The following KIAA0232 variants were observed in gnomAD, a reference collection of about 807,000 sequenced individuals.
KIAA0232 encodes KIAA0232.
A neutral mutation model predicts 122.0 loss-of-function variants in KIAA0232; 27 were observed. The observed-to-expected ratio is 0.22, with a 90% CI of 0.16 to 0.31. The LOEUF is 0.31. KIAA0232 is among the 10% of genes least tolerant of loss of function. KIAA0232 has a pLI of 1.00. For synonymous variants in KIAA0232, 613 were observed against 587.6 expected, an observed-to-expected ratio of 1.04 and a Z score of -0.63; for missense variants, 1,551 against 1,634.2, an observed-to-expected ratio of 0.95 and a Z score of 0.88.
intron 4 of KIAA0232, 140 bp from the exon 5 acceptor site, chr4:6,857,024 G>C (rs564569448): frequency 3.9e-6 from 2 of 511,690 alleles, no homozygotes; most frequent in Non-Finnish European, 6.7e-6. Context: ...TTAAACTGTA[G>C]TATTCACGTA....
At chr4:6,798,969 C>T (rs1717255628) in intron 1 of KIAA0232, among the ~76,000 whole-genome samples, 1 of 152,082 alleles carries the variant, frequency 6.6e-6, no homozygotes. Flanking sequence ...ACAAAGTACC[C>T]CAAACTTTGA....
In KIAA0232 at chr4:6,863,166, C is replaced by A; in HGVS notation, c.2784C>A (p.Phe928Leu). The stretch of plus-strand genomic sequence containing the variant: ...TAGCCCAAGATAAAGAAAACACATT[C>A]ATTCTTGGAGGAGTTTATGGAGAAC... ...WDVAQDKENTFILGGVYGELK... is the reference protein window; with the variant it reads ...WDVAQDKENTLILGGVYGELK... Residue 928 changes from phenylalanine (F) to leucine (L), a missense_variant, in exon 7 of 10, where the codon TTC (phenylalanine) becomes TTA (leucine). Around this residue, in one of 5 missense-constraint regions of KIAA0232, gnomAD observed 1,108 missense variants for 1,154.8 expected, o/e 0.96. Coordinates refer to ENST00000307659, the MANE Select transcript of KIAA0232 (RefSeq NM_014743.3). 6.2e-7 allele frequency: 1 copy of A among 1,614,106 alleles called. No individual in the cohort carries two copies. The highest frequency in any genetic ancestry group is 1.7e-5 in the Admixed American group (1 of 60,026).
At position 6,863,946 on chromosome 4, in the gene KIAA0232, T is replaced by C; in HGVS notation, c.3564T>C (p.Ala1188=). ...RLKKSGMEKS[A]QTSLDSQEES... ...AAAAATCTGGGATGGAAAAGAGTGC[T>C]CAGACATCACTGGATTCCCAGGAGG... is the stretch of plus-strand genomic sequence containing the variant. The change falls in exon 7 of 10, where the codon GCT becomes GCC. Residue 1188 remains alanine (A), a synonymous_variant. Transcript: ENST00000307659. 6.2e-7 allele frequency: 1 copy of C among 1,614,048 alleles called. No individual in the cohort carries two copies. The highest frequency in any genetic ancestry group is 1.1e-5 in the South Asian group (1 of 91,070).
At chr4:6,846,580 C>A (rs575866153) in intron 4 of KIAA0232, among the ~76,000 whole-genome samples, 1 of 151,862 alleles carries the variant, frequency 6.6e-6, no homozygotes, top group African/African-American at 2.4e-5. Context: ...CAGTTGTCTT[C>A]CACGAAACCA....
At chr4:6,841,977 G>C in intron 3 of KIAA0232, 90 bp from the exon 4 acceptor site, 1 of 1,425,094 alleles carries the variant, frequency 7.0e-7, no homozygotes, top group African/African-American at 1.5e-5. Flanking sequence ...AATGCAAGGG[G>C]CCTTTTTGTG....
At chr4:6,786,980 A>T (rs971004562) in intron 1 of KIAA0232, among the ~76,000 whole-genome samples, 2 of 152,074 alleles carry the variant, frequency 1.3e-5, no homozygotes, top group Admixed American at 1.3e-4. Flanking sequence ...CAAGAGAGTG[A>T]GACCATCCTG....
At chr4:6,828,815 T>G (rs565274299) in intron 3 of KIAA0232, among the ~76,000 whole-genome samples, 30 of 152,308 alleles carry the variant, frequency 2.0e-4, no homozygotes, top group Admixed American at 1.2e-3. Context: ...CATGCTGACC[T>G]CTCTGAGTAA....
chr4:6,833,945 G>A (rs1260899119), intron 3 of KIAA0232, among the ~76,000 whole-genome samples: 3 of 152,040 alleles, frequency 2.0e-5, no homozygotes, highest in Non-Finnish European at 2.9e-5. Context: ...GATTTCCCCC[G>A]CTTACTGTAA....
At chr4:6,784,261 A>G (rs1372364544) in intron 1 of KIAA0232, among the ~76,000 whole-genome samples, 1 of 152,116 alleles carries the variant, frequency 6.6e-6, no homozygotes, top group East Asian at 1.9e-4. Context: ...TCTTGTTTTA[A>G]AAACTGTTAG....
At chr4:6,785,157 T>C (rs1716561933) in intron 1 of KIAA0232, among the ~76,000 whole-genome samples, 1 of 152,134 alleles carries the variant, frequency 6.6e-6, no homozygotes, top group East Asian at 1.9e-4. Context: ...CAGGATGGTC[T>C]TTCTCTCCTG....
chr4:6,831,097 C>T (rs1336894442), intron 3 of KIAA0232, among the ~76,000 whole-genome samples: 1 of 151,914 alleles, frequency 6.6e-6, no homozygotes, highest in Non-Finnish European at 1.5e-5. Flanking sequence ...GCCCTGTCGC[C>T]CAGGCTGGAA....
intron 1 of KIAA0232, among the ~76,000 whole-genome samples, chr4:6,798,057 C>CA (rs549805628): frequency 0.022 from 2,112 of 97,826 alleles, 49 homozygotes; most frequent in African/African-American, 0.062. Context: ...GACTCCGTCT[C>CA]AAAAAAAAAA....
intron 1 of KIAA0232, among the ~76,000 whole-genome samples, chr4:6,792,831 A>T (rs1716965037): frequency 6.6e-6 from 1 of 151,832 alleles, no homozygotes. Context: ...CTGGGACCAC[A>T]GGTGCCCACC....
intron 2 of KIAA0232, among the ~76,000 whole-genome samples, chr4:6,819,123 A>C (rs1292828771): frequency 1.3e-5 from 2 of 152,060 alleles, no homozygotes; most frequent in Non-Finnish European, 2.9e-5. Context: ...AACTATAAAA[A>C]CCCTAGGAAA....
intron 8 of KIAA0232, among the ~76,000 whole-genome samples, chr4:6,874,220 A>G (rs1471036116): frequency 6.6e-6 from 1 of 152,238 alleles, no homozygotes; most frequent in Non-Finnish European, 1.5e-5. Context: ...TTGGGAATGC[A>G]TAGGCAAACA....
rs1720989663 is a variant in KIAA0232 at position 6,863,375 on chromosome 4, A to ACTTC, written c.2993_2994insCTTC (p.Gln998HisfsTer4). The ACTTC allele has an allele frequency of 6.2e-7, 1 of 1,614,112 alleles. No individual in the cohort carries two copies. Among genetic ancestry groups the ACTTC allele is most frequent in the Admixed American group, 1.7e-5 (1 of 60,006 alleles). On this transcript the variant is annotated frameshift_variant, in exon 7 of 10. Coordinates refer to ENST00000307659, the MANE Select transcript of KIAA0232 (RefSeq NM_014743.3). LOFTEE classifies it high-confidence loss of function. ...TGGAAACCCTTCGTGTCATTTGAAC[A>ACTTC]GAATGATCAGCCGAAGAGTGGGGAA... is the stretch of plus-strand genomic sequence containing the variant.
chr4:6,841,689 A>C (rs765370639), intron 3 of KIAA0232, among the ~76,000 whole-genome samples: 1 of 152,218 alleles, frequency 6.6e-6, no homozygotes, highest in Non-Finnish European at 1.5e-5. Flanking sequence ...GAATGAAATT[A>C]AGAAAAAACT....
In KIAA0232 at chr4:6,862,049, A is replaced by C; in HGVS notation, c.1667A>C (p.Asp556Ala). The change falls in exon 7 of 10, where the codon GAT (aspartate) becomes GCT (alanine). Residue 556 changes from aspartate (D) to alanine (A), a missense_variant. This residue lies in a region of KIAA0232 where 1,108 missense variants were observed against 1,154.8 expected (regional missense o/e 0.96). Coordinates refer to ENST00000307659, the MANE Select transcript of KIAA0232 (RefSeq NM_014743.3). ...DFEAECCIVL[D>A]GMELQGERAI... ...GAGGCAGAATGTTGCATAGTGTTAG[A>C]TGGTATGGAGTTGCAAGGGGAACGT... 1 of 1,614,208 alleles carries C rather than the reference A, an allele frequency of 6.2e-7. No homozygotes were observed. Among genetic ancestry groups the C allele is most frequent in the Non-Finnish European group, 8.5e-7 (1 of 1,180,034 alleles).
intron 3 of KIAA0232, among the ~76,000 whole-genome samples, chr4:6,837,165 C>T (rs979474430): frequency 2.6e-5 from 4 of 151,200 alleles, no homozygotes; most frequent in South Asian, 2.1e-4. Flanking sequence ...GGCCGGCTGG[C>T]GGGGCGGAGG....
Sources: gnomAD v4.1 joint callset for allele counts (sites outside exome capture counted in the v4.1 genomes callset) on GRCh38, gnomAD v4.1.1 for gene constraint, gnomAD v4.1.1 regional missense constraint, MANE v1.5 for transcripts, NCBI Gene and HGNC (gene_info 2026-07-23, HGNC 2026-07-21) for gene names.